CSMD1: variants seen among roughly 807,000 people sequenced by gnomAD.
CSMD1 encodes the protein CUB and sushi domain-containing protein 1.
In CSMD1, 213 loss-of-function variants were observed where a neutral mutation model predicts 417.5. The ratio of observed to expected loss-of-function variants is 0.51; its 90% CI spans 0.46 to 0.57. The LOEUF (loss-of-function observed/expected upper bound fraction) is 0.57, where lower values mean the gene tolerates loss of function less well. CSMD1 is among the 20% of genes least tolerant of loss of function. CSMD1 has a pLI of 0.00. For missense variants in CSMD1, 6,923 were observed against 4,529.7 expected (o/e 1.53, Z -15.17); for synonymous variants, 2,862 against 1,736.8 (o/e 1.65, Z -16.11).
chr8:4,938,373 G>C (rs957241411), intron 1 of CSMD1, among the ~76,000 whole-genome samples: 3 of 152,148 alleles, frequency 2.0e-5, no homozygotes, highest in Non-Finnish European at 4.4e-5. Flanking sequence ...CAATACAGCT[G>C]TCCTATAGTT....
chr8:4,449,805 C>A (rs1221018486), intron 2 of CSMD1, among the ~76,000 whole-genome samples: 3 of 151,986 alleles, frequency 2.0e-5, no homozygotes, highest in African/African-American at 7.2e-5. Flanking sequence ...CATAACAGAG[C>A]CCTGCAAGCT....
chr8:4,455,409 G>T (rs182717421), intron 2 of CSMD1, among the ~76,000 whole-genome samples: 1 of 152,102 alleles, frequency 6.6e-6, no homozygotes, highest in African/African-American at 2.4e-5. Flanking sequence ...CAGCTGTCAT[G>T]TGTATCATTA....
At chr8:4,912,170 G>GA (rs1805732034) in intron 1 of CSMD1, among the ~76,000 whole-genome samples, 1 of 94,548 alleles carries the variant, frequency 1.1e-5, no homozygotes, top group African/African-American at 3.5e-5. Flanking sequence ...GAACGGAAAA[G>GA]AAAAAGACAA....
intron 3 of CSMD1, among the ~76,000 whole-genome samples, chr8:4,074,240 G>T (rs969675869): frequency 1.3e-5 from 2 of 151,902 alleles, no homozygotes; most frequent in Admixed American, 6.6e-5. Context: ...TAACCCCAGA[G>T]AAAGCAAAAA....
chr8:3,447,645 A>C (rs1815384952), intron 12 of CSMD1, among the ~76,000 whole-genome samples: 1 of 152,168 alleles, frequency 6.6e-6, no homozygotes, highest in Non-Finnish European at 1.5e-5. Flanking sequence ...CAGTGTGTGC[A>C]TTCTTTGCTG....
intron 51 of CSMD1, among the ~76,000 whole-genome samples, chr8:3,021,570 C>G (rs1809396130): frequency 6.6e-6 from 1 of 152,218 alleles, no homozygotes; most frequent in Non-Finnish European, 1.5e-5. Flanking sequence ...GCAGTGCTTC[C>G]TCTGAACTCT....
At chr8:4,558,684 T>C (rs1353741621) in intron 2 of CSMD1, among the ~76,000 whole-genome samples, 1 of 151,972 alleles carries the variant, frequency 6.6e-6, no homozygotes, top group African/African-American at 2.4e-5. Flanking sequence ...CTGGCCAACA[T>C]GGTGAAACTC....
chr8:3,175,510 T>TGCCTGCCTGCCTGCC (rs1554451344), intron 37 of CSMD1, among the ~76,000 whole-genome samples: 6 of 132,952 alleles, frequency 4.5e-5, no homozygotes, highest in Admixed American at 2.4e-4. Context: ...CCTGCCTGCC[T>TGCCTGCCTGCCTGCC]TTTTTCCTTC....
chr8:3,422,277 C>A (rs270078), intron 12 of CSMD1, among the ~76,000 whole-genome samples: 114,486 of 151,940 alleles, frequency 0.75, 43,311 homozygotes, highest in South Asian at 0.83. Context: ...GCATACAATT[C>A]TGGGTACCTG....
intron 2 of CSMD1, among the ~76,000 whole-genome samples, chr8:4,544,609 A>T (rs1484788372): frequency 6.6e-6 from 1 of 152,168 alleles, no homozygotes; most frequent in Non-Finnish European, 1.5e-5. Flanking sequence ...CAAATCTTCA[A>T]CTATAAATAA....
chr8:4,106,863 C>A (rs1030957575), intron 3 of CSMD1, among the ~76,000 whole-genome samples: 3 of 152,116 alleles, frequency 2.0e-5, no homozygotes, highest in African/African-American at 7.2e-5. Context: ...AACTGCCCCG[C>A]ATTTCTTCAA....
At chr8:4,965,457 G>A (rs144298880) in intron 1 of CSMD1, among the ~76,000 whole-genome samples, 3 of 152,302 alleles carry the variant, frequency 2.0e-5, no homozygotes, top group African/African-American at 7.2e-5. Flanking sequence ...CAGTGATAAT[G>A]CAGGACATGT....
intron 2 of CSMD1, among the ~76,000 whole-genome samples, chr8:4,455,701 C>G (rs1048617581): frequency 1.3e-5 from 2 of 151,772 alleles, no homozygotes; most frequent in Non-Finnish European, 1.5e-5. Context: ...GAGGCCGAAG[C>G]GGGTCGATCA....
At chr8:4,738,971 C>G (rs985722439) in intron 1 of CSMD1, among the ~76,000 whole-genome samples, 1 of 150,058 alleles carries the variant, frequency 6.7e-6, no homozygotes, top group Admixed American at 6.7e-5. Context: ...GAATAATATA[C>G]CTTCTCTTGG....
intron 49 of CSMD1, among the ~76,000 whole-genome samples, chr8:3,083,608 TTTTATATATATATATATA>T (rs1459953597): frequency 0.11 from 5,087 of 44,308 alleles, 507 homozygotes; most frequent in East Asian, 0.25. Context: ...TTACCATAAT[TTTTATATATATATATATA>T]TATATATATA....
intron 10 of CSMD1, among the ~76,000 whole-genome samples, chr8:3,530,786 C>G (rs1351525008): frequency 1.3e-5 from 2 of 151,946 alleles, no homozygotes; most frequent in Non-Finnish European, 2.9e-5. Flanking sequence ...GCCTTGGCCT[C>G]CCAAAGTGCT....
chr8:4,578,332 A>ATTTTTTT lies in CSMD1; in HGVS notation c.302+59003_302+59009dup, dbSNP rs1172600205. Among the ~76,000 whole-genome samples, 307 of 48,760 alleles carry ATTTTTTT rather than the reference A, an allele frequency of 6.3e-3. 32 individuals carry two copies. Among genetic ancestry groups the ATTTTTTT allele is most frequent in the African/African-American group, 0.015 (192 of 13,096 alleles). 32.0% of individuals were successfully genotyped at this position (48,760 alleles called of 152,430 possible). On this transcript the variant is annotated intron_variant, in intron 2 of 69. Transcript: ENST00000635120. ...AGGCACCTGCCACGACACCCGGCTCATTTTTTTTTTTTTTTTTTTTTTTTT... is the reference window on the plus strand; with the variant it reads ...AGGCACCTGCCACGACACCCGGCTCATTTTTTTTTTTTTTTTTTTTTTTTTTTTTTTT...
intron 3 of CSMD1, among the ~76,000 whole-genome samples, chr8:4,291,705 T>G (rs1219052758): frequency 6.6e-6 from 1 of 152,172 alleles, no homozygotes; most frequent in Non-Finnish European, 1.5e-5. Flanking sequence ...GTGGTAAAAT[T>G]CATAAACCCA....
At chr8:4,049,175 A>G (rs1337345284) in intron 3 of CSMD1, among the ~76,000 whole-genome samples, 1 of 152,102 alleles carries the variant, frequency 6.6e-6, no homozygotes, top group African/African-American at 2.4e-5. Flanking sequence ...AACATCAAAG[A>G]GTCTATCTTA....
Sources: gnomAD v4.1 joint callset for allele counts (sites outside exome capture counted in the v4.1 genomes callset) on GRCh38, gnomAD v4.1.1 for gene constraint, MANE v1.5 for transcripts, NCBI Gene and HGNC (gene_info 2026-07-23, HGNC 2026-07-21) for gene names.